NEK11: variants seen among roughly 807,000 people sequenced by gnomAD.
NEK11 encodes the protein NIMA related kinase 11.
Under a neutral mutation model 80.7 loss-of-function variants are expected in NEK11, and 72 were observed. The observed-to-expected ratio is 0.89, with a 90% CI of 0.74 to 1.08. NEK11 has a LOEUF of 1.08. Among genes scored for constraint, NEK11 ranks in the 50% least tolerant of loss-of-function variants. The pLI is 0.00. For synonymous variants in NEK11, 251 were observed against 260.7 expected (o/e 0.96, Z 0.36); for missense variants, 764 against 763.6 (o/e 1.00, Z -0.01).
chr3:131,321,822 CA>C (rs1340355019), intron 17 of NEK11, among the ~76,000 whole-genome samples: 1 of 151,910 alleles, frequency 6.6e-6, no homozygotes, highest in Non-Finnish European at 1.5e-5. Flanking sequence ...TGGCTATTAT[CA>C]AAAAATCAAA....
chr3:131,286,408 A>G (rs2096471242), intron 17 of NEK11, among the ~76,000 whole-genome samples: 1 of 152,176 alleles, frequency 6.6e-6, no homozygotes, highest in Non-Finnish European at 1.5e-5. Flanking sequence ...TAAGTAAACT[A>G]TGTTACATGT....
At chr3:131,324,000 G>T (rs530597970) in intron 17 of NEK11, among the ~76,000 whole-genome samples, 1 of 152,196 alleles carries the variant, frequency 6.6e-6, no homozygotes, top group Non-Finnish European at 1.5e-5. Flanking sequence ...CTCAGTGACA[G>T]TGTGGTATTG....
intron 3 of NEK11, among the ~76,000 whole-genome samples, chr3:131,033,153 T>C (rs764743851): frequency 7.9e-5 from 12 of 152,246 alleles, no homozygotes; most frequent in Admixed American, 4.6e-4. Flanking sequence ...GTGATTGTTA[T>C]GTTTAATGCA....
At chr3:131,318,739 G>GTATATATATATATA (rs35126140) in intron 17 of NEK11, among the ~76,000 whole-genome samples, 2 of 145,536 alleles carry the variant, frequency 1.4e-5, no homozygotes, top group Non-Finnish European at 3.0e-5. Flanking sequence ...GTGTACATGT[G>GTATATATATATATA]TATATATATA....
At chr3:131,226,477 A>G (rs936889121) in intron 14 of NEK11, among the ~76,000 whole-genome samples, 8 of 152,194 alleles carry the variant, frequency 5.3e-5, no homozygotes, top group Non-Finnish European at 1.2e-4. Flanking sequence ...TATATACACC[A>G]TGCAATACTA....
intron 16 of NEK11, among the ~76,000 whole-genome samples, chr3:131,270,709 T>C (rs1258993722): frequency 6.6e-6 from 1 of 152,214 alleles, no homozygotes; most frequent in Non-Finnish European, 1.5e-5. Context: ...TGCCCTGTTT[T>C]CTACCCTTGG....
chr3:131,143,642 A>G lies in NEK11; in HGVS notation c.648-8746A>G, dbSNP rs1404436289. 7.9e-5 allele frequency among the ~76,000 whole-genome samples: 12 copies of G among 152,228 alleles called. No individual in the cohort carries two copies. The South Asian group carries it at 1.5e-3, about 18-fold the overall frequency. On this transcript the variant is annotated intron_variant, in intron 7 of 17. Coordinates refer to ENST00000383366, the MANE Select transcript of NEK11 (RefSeq NM_024800.5). ...TTAACAAAACCCCTAAGTGATTTAC[A>G]TATATGTTAAAGTTTGGGAAACACT... is the stretch of plus-strand genomic sequence containing the variant.
intron 17 of NEK11, among the ~76,000 whole-genome samples, chr3:131,285,537 C>T (rs1023704744): frequency 2.0e-5 from 3 of 152,220 alleles, no homozygotes; most frequent in African/African-American, 4.8e-5. Context: ...CAAGGGCACT[C>T]CAAGTAGGTG....
intron 3 of NEK11, among the ~76,000 whole-genome samples, chr3:131,042,644 G>A (rs1400872559): frequency 6.6e-6 from 1 of 152,172 alleles, no homozygotes; most frequent in Non-Finnish European, 1.5e-5. Context: ...CCATCTCCCT[G>A]GGACAGAGCA....
intron 3 of NEK11, among the ~76,000 whole-genome samples, chr3:131,056,935 G>A (rs2069626521): frequency 6.6e-6 from 1 of 151,590 alleles, no homozygotes; most frequent in South Asian, 2.1e-4. Flanking sequence ...TGTGCACAAT[G>A]TGCAGGTTAG....
intron 3 of NEK11, among the ~76,000 whole-genome samples, chr3:131,055,327 A>G (rs972483484): frequency 3.9e-5 from 6 of 152,232 alleles, no homozygotes; most frequent in Non-Finnish European, 8.8e-5. Flanking sequence ...TGTTTCAGAC[A>G]GTGAACAAAA....
intron 11 of NEK11, among the ~76,000 whole-genome samples, chr3:131,162,913 T>C (rs1035735582): frequency 1.3e-5 from 2 of 152,152 alleles, no homozygotes; most frequent in Non-Finnish European, 2.9e-5. Flanking sequence ...ACCTCACTTA[T>C]TTATAGGAAG....
chr3:131,326,302 A>G (rs1008974134), intron 17 of NEK11: 1 of 152,022 alleles, frequency 6.6e-6, no homozygotes, highest in Non-Finnish European at 1.5e-5. Flanking sequence ...AATCATATCA[A>G]CCCTCCAGAG....
chr3:131,274,816 G>C (rs1468443034), intron 17 of NEK11, among the ~76,000 whole-genome samples: 1 of 151,008 alleles, frequency 6.6e-6, no homozygotes, highest in Admixed American at 6.6e-5. Flanking sequence ...ACCGCGCCTG[G>C]CTAATTTTTT....
At chr3:131,178,538 C>T (rs964891120) in intron 14 of NEK11, among the ~76,000 whole-genome samples, 1 of 152,278 alleles carries the variant, frequency 6.6e-6, no homozygotes, top group Non-Finnish European at 1.5e-5. Context: ...ACATATTAGC[C>T]TAGGCCTTCT....
chr3:131,092,576 A>C (rs889964371), intron 4 of NEK11, among the ~76,000 whole-genome samples: 1 of 152,240 alleles, frequency 6.6e-6, no homozygotes. Context: ...CACTGCATAC[A>C]TATTCCCATG....
intron 5 of NEK11, among the ~76,000 whole-genome samples, chr3:131,116,658 A>G (rs554104705): frequency 0.013 from 2,041 of 151,802 alleles, 54 homozygotes; most frequent in African/African-American, 0.046. Flanking sequence ...ACTTTTTAAT[A>G]ATTGCCATTC....
chr3:131,168,953 T>C lies in NEK11; in HGVS notation c.1284+16T>C. On this transcript the variant is annotated intron_variant, in intron 13 of 17. Transcript: ENST00000383366. ...CAGGGAAGAGGCAAGTTTAATCATA[T>C]TCACAAGCACAAAAGTGAGGCAGGT... The C allele has an allele frequency of 6.3e-7, 1 of 1,593,614 alleles. No homozygotes were observed. The highest frequency in any genetic ancestry group is 8.6e-7 in the Non-Finnish European group (1 of 1,162,596).
chr3:131,162,089 C>T (rs906420361), intron 10 of NEK11, among the ~76,000 whole-genome samples: 3 of 152,204 alleles, frequency 2.0e-5, no homozygotes, highest in South Asian at 4.1e-4. Context: ...GGTGGAATTA[C>T]TGGGCCAGTC....
Sources: allele counts gnomAD v4.1 joint callset (sites outside exome capture counted in the v4.1 genomes callset), GRCh38; gene constraint gnomAD v4.1.1; transcripts MANE v1.5; gene names NCBI Gene and HGNC (gene_info 2026-07-23, HGNC 2026-07-21).